PACRG: variants seen among roughly 807,000 people sequenced by gnomAD.
PACRG encodes parkin coregulated gene protein.
PACRG carries 29 observed loss-of-function variants against 29.7 expected under a neutral mutation model. That is an observed-to-expected ratio of 0.98 (90% CI 0.73 to 1.33). The LOEUF is 1.33. PACRG is among the 40% of genes most tolerant of loss of function. The probability of loss-of-function intolerance (pLI) is 0.00; values close to 1 mark genes in which losing one functional copy is unlikely to be tolerated. For missense variants in PACRG, 279 were observed against 316.2 expected, an observed-to-expected ratio of 0.88 and a Z score of 0.89; for synonymous variants, 116 against 118.7, an observed-to-expected ratio of 0.98 and a Z score of 0.15.
At chr6:163,023,968 G>C (rs2128222545) in intron 2 of PACRG, among the ~76,000 whole-genome samples, 1 of 152,220 alleles carries the variant, frequency 6.6e-6, no homozygotes, top group African/African-American at 2.4e-5. Context: ...TAGAGATTCT[G>C]CATTTTGTTG....
At chr6:163,002,721 G>A (rs112957240) in intron 2 of PACRG, among the ~76,000 whole-genome samples, 52 of 152,294 alleles carry the variant, frequency 3.4e-4, no homozygotes, top group Non-Finnish European at 7.1e-4. Context: ...AAAGATTACT[G>A]TAGATAATCA....
intron 4 of PACRG, among the ~76,000 whole-genome samples, chr6:163,287,127 G>C (rs1784430185): frequency 6.6e-6 from 1 of 152,112 alleles, no homozygotes; most frequent in Non-Finnish European, 1.5e-5. Context: ...AAAGTCTTAT[G>C]CGTATGGTTG....
At position 163,016,836 on chromosome 6, in the gene PACRG, A is replaced by G. The variant is rs188804682; in HGVS notation, c.292-45314A>G. Among the ~76,000 whole-genome samples, 65 of 152,196 alleles carry G rather than the reference A, an allele frequency of 4.3e-4. No homozygotes were observed. In the East Asian group the frequency reaches 5.0e-3, roughly 12 times the overall value. On this transcript the variant is annotated intron_variant, in intron 2 of 4. Coordinates refer to ENST00000366888, the MANE Select transcript of PACRG (RefSeq NM_001080379.2). ...TTGATATTATTATAAATTGTAATATATTTATATATACTGGGTAATGTGAAC... is the reference window on the plus strand; with the variant it reads ...TTGATATTATTATAAATTGTAATATGTTTATATATACTGGGTAATGTGAAC...
chr6:163,279,068 C>G (rs1474140970), intron 4 of PACRG, among the ~76,000 whole-genome samples: 2 of 152,054 alleles, frequency 1.3e-5, no homozygotes, highest in African/African-American at 4.8e-5. Flanking sequence ...AGGTGTATTC[C>G]TAAGTATTTA....
intron 2 of PACRG, among the ~76,000 whole-genome samples, chr6:163,020,822 T>A (rs1460158260): frequency 6.6e-6 from 1 of 152,160 alleles, no homozygotes; most frequent in African/African-American, 2.4e-5. Context: ...AAGGAAGAGC[T>A]GTAGCCTGCT....
intron 1 of PACRG, among the ~76,000 whole-genome samples, chr6:162,787,567 T>A (rs1025867706): frequency 5.6e-5 from 3 of 53,476 alleles, no homozygotes; most frequent in African/African-American, 2.6e-4. Context: ...ATTGTGTGTG[T>A]GTGTGTGTGT....
intron 2 of PACRG, among the ~76,000 whole-genome samples, chr6:162,978,007 G>T (rs1176444484): frequency 3.3e-5 from 5 of 151,304 alleles, no homozygotes; most frequent in Admixed American, 3.3e-4. Context: ...AGCCAGGCAT[G>T]TTGGCAGGCG....
chr6:163,246,177 A>T (rs1372805604), intron 4 of PACRG, among the ~76,000 whole-genome samples: 4 of 152,024 alleles, frequency 2.6e-5, no homozygotes. Context: ...CAGTGCCCTT[A>T]CCTTTGCATA....
intron 4 of PACRG, among the ~76,000 whole-genome samples, chr6:163,293,471 G>T (rs1293989992): frequency 6.6e-6 from 1 of 152,230 alleles, no homozygotes; most frequent in Non-Finnish European, 1.5e-5. Flanking sequence ...CAAAGCAGCT[G>T]TATAACCACA....
chr6:162,995,378 C>G (rs574735979), intron 2 of PACRG, among the ~76,000 whole-genome samples: 2 of 152,040 alleles, frequency 1.3e-5, no homozygotes, highest in African/African-American at 4.8e-5. Flanking sequence ...GACTGCTGTG[C>G]TAGCAATCAG....
intron 2 of PACRG, among the ~76,000 whole-genome samples, chr6:162,837,273 G>C (rs934735175): frequency 1.3e-5 from 2 of 152,132 alleles, no homozygotes; most frequent in African/African-American, 4.8e-5. Flanking sequence ...TTTTATTAAA[G>C]AACACCGAGT....
chr6:162,928,863 A>G (rs866641288), intron 2 of PACRG, among the ~76,000 whole-genome samples: 1 of 151,750 alleles, frequency 6.6e-6, no homozygotes, highest in Admixed American at 6.6e-5. Flanking sequence ...GTGAGAATGT[A>G]TGGTATTTGT....
chr6:163,009,479 T>G (rs1193808317), intron 2 of PACRG, among the ~76,000 whole-genome samples: 1 of 152,348 alleles, frequency 6.6e-6, no homozygotes, highest in East Asian at 1.9e-4. Context: ...TTCATTACAC[T>G]TAATGATTTC....
In PACRG at chr6:163,217,029, C is replaced by T. The variant is rs1781389936; in HGVS notation, c.614-97798C>T. Among the ~76,000 whole-genome samples, 4 of 152,216 alleles carry T rather than the reference C, an allele frequency of 2.6e-5. No individual in the cohort carries two copies. In the South Asian group the frequency reaches 8.3e-4, roughly 32 times the overall value. ...AATACCCACAAGCATTCCACCAGCA[C>T]GCCTTTGCAAGTGAATCTTCCCAAT... On this transcript the variant is annotated intron_variant, in intron 4 of 4. Coordinates refer to ENST00000366888, the MANE Select transcript of PACRG (RefSeq NM_001080379.2).
At chr6:162,935,392 C>CTTTTTTTTTTTTTTTTT (rs79058842) in intron 2 of PACRG, among the ~76,000 whole-genome samples, 3 of 124,032 alleles carry the variant, frequency 2.4e-5, no homozygotes, top group South Asian at 2.5e-4. Context: ...CTGTTTTATT[C>CTTTTTTTTTTTTTTTTT]TTTTTTTTTT....
intron 2 of PACRG, among the ~76,000 whole-genome samples, chr6:162,817,039 G>A (rs1396995792): frequency 6.6e-6 from 1 of 152,176 alleles, no homozygotes; most frequent in African/African-American, 2.4e-5. Context: ...GGACTTGTGA[G>A]CACCTGAAAT....
chr6:163,276,086 G>A (rs1235416374), intron 4 of PACRG, among the ~76,000 whole-genome samples: 1 of 149,932 alleles, frequency 6.7e-6, no homozygotes, highest in Non-Finnish European at 1.5e-5. Flanking sequence ...GAATGCAGTG[G>A]TGTGATCTTG....
intron 4 of PACRG, among the ~76,000 whole-genome samples, chr6:163,246,701 T>C (rs1782712111): frequency 6.6e-6 from 1 of 152,160 alleles, no homozygotes; most frequent in South Asian, 2.1e-4. Flanking sequence ...ATTTTCTCAT[T>C]CCTTGTTCAA....
At chr6:162,813,752 T>A (rs951519409) in intron 1 of PACRG, among the ~76,000 whole-genome samples, 1 of 152,178 alleles carries the variant, frequency 6.6e-6, no homozygotes, top group African/African-American at 2.4e-5. Context: ...ACTTCAGTAT[T>A]CCATAAAGTA....
Sources: allele counts gnomAD v4.1 joint callset (sites outside exome capture counted in the v4.1 genomes callset), GRCh38; gene constraint gnomAD v4.1.1; transcripts MANE v1.5; gene names NCBI Gene and HGNC (gene_info 2026-07-23, HGNC 2026-07-21).